Variants in VPS54 observed in about 807,000 individuals in gnomAD.
VPS54 encodes vacuolar protein sorting-associated protein 54.
A neutral mutation model predicts 121.5 loss-of-function variants in VPS54; 45 were observed. That is an observed-to-expected ratio of 0.37 (90% CI 0.29 to 0.47). The LOEUF (loss-of-function observed/expected upper bound fraction) is 0.47. Among genes scored for constraint, VPS54 ranks in the 20% least tolerant of loss-of-function variants. VPS54 has a pLI of 0.99. For missense variants in VPS54, 1,090 were observed against 1,131.4 expected (o/e 0.96, Z 0.52); for synonymous variants, 371 against 385.8 (o/e 0.96, Z 0.45).
At chr2:63,898,625 A>G (rs768270987) in intron 21 of VPS54, among the ~76,000 whole-genome samples, 22 of 152,174 alleles carry the variant, frequency 1.4e-4, no homozygotes, top group Non-Finnish European at 2.5e-4. Flanking sequence ...CACGCACTCA[A>G]CCAAGTAAGA....
intron 1 of VPS54, among the ~76,000 whole-genome samples, chr2:64,005,086 C>CTTT (rs1559053926): frequency 1.6e-4 from 12 of 76,600 alleles, no homozygotes; most frequent in Non-Finnish European, 2.9e-4. Context: ...TCTACTATTG[C>CTTT]TTCTTTTTTT....
At chr2:63,935,548 TAAAAAGACATGAC>T (rs372394757) in intron 11 of VPS54, among the ~76,000 whole-genome samples, 1 of 152,246 alleles carries the variant, frequency 6.6e-6, no homozygotes, top group African/African-American at 2.4e-5. Flanking sequence ...CTTTTTAAAA[TAAAAAGACATGAC>T]AGACCTATCC....
chr2:63,957,441 CAAAAAAA>C (rs10551633), intron 7 of VPS54, among the ~76,000 whole-genome samples: 4 of 90,118 alleles, frequency 4.4e-5, no homozygotes, highest in African/African-American at 1.2e-4. Flanking sequence ...GACTCCATCT[CAAAAAAA>C]AAAAAAAAAA....
intron 20 of VPS54, among the ~76,000 whole-genome samples, chr2:63,902,416 C>T (rs756839417): frequency 9.9e-5 from 15 of 152,150 alleles, no homozygotes; most frequent in Non-Finnish European, 1.8e-4. Flanking sequence ...AAAACAGACA[C>T]CTAGCTTGGT....
At chr2:63,986,862 T>G (rs1468465672) in intron 1 of VPS54, among the ~76,000 whole-genome samples, 1 of 152,242 alleles carries the variant, frequency 6.6e-6, no homozygotes, top group African/African-American at 2.4e-5. Flanking sequence ...GCCATTTGCA[T>G]GTTTTCTCTT....
At chr2:63,911,914 T>G (rs1673166185) in intron 20 of VPS54, among the ~76,000 whole-genome samples, 1 of 152,214 alleles carries the variant, frequency 6.6e-6, no homozygotes, top group Non-Finnish European at 1.5e-5. Flanking sequence ...CCAGTATAAC[T>G]GCGAATTCTT....
intron 7 of VPS54, among the ~76,000 whole-genome samples, chr2:63,957,743 T>C (rs898831880): frequency 6.6e-6 from 1 of 152,156 alleles, no homozygotes; most frequent in Admixed American, 6.5e-5. Context: ...AACAAATGTA[T>C]GTAGGAAGAT....
At chr2:63,973,011 C>T (rs143119787) in intron 3 of VPS54, among the ~76,000 whole-genome samples, 8 of 151,770 alleles carry the variant, frequency 5.3e-5, no homozygotes, top group East Asian at 1.9e-4. Flanking sequence ...GAGATATCAC[C>T]GAAAGGATAC....
At chr2:63,900,181 C>T (rs1436742372) in intron 20 of VPS54, among the ~76,000 whole-genome samples, 1 of 131,520 alleles carries the variant, frequency 7.6e-6, no homozygotes, top group Non-Finnish European at 1.5e-5. Flanking sequence ...GATCGCACCA[C>T]TGCACTCCAG....
intron 12 of VPS54, among the ~76,000 whole-genome samples, chr2:63,922,264 T>C (rs987810362): frequency 1.3e-5 from 2 of 152,232 alleles, no homozygotes; most frequent in South Asian, 2.1e-4. Context: ...AATGATTCCA[T>C]GCCATCAGTT....
chr2:64,012,854 G>C (rs1417905170), intron 1 of VPS54, among the ~76,000 whole-genome samples: 1 of 151,964 alleles, frequency 6.6e-6, no homozygotes, highest in Non-Finnish European at 1.5e-5. Flanking sequence ...CATTTACTTG[G>C]CTCCAGAAAA....
intron 7 of VPS54, among the ~76,000 whole-genome samples, chr2:63,958,749 A>G (rs1249934943): frequency 6.6e-6 from 1 of 152,182 alleles, no homozygotes; most frequent in Non-Finnish European, 1.5e-5. Context: ...AAAGCAATAC[A>G]AAGAACAGTA....
intron 1 of VPS54, among the ~76,000 whole-genome samples, chr2:64,000,022 G>A (rs368465253): frequency 9.2e-5 from 14 of 151,948 alleles, no homozygotes; most frequent in African/African-American, 2.4e-4. Context: ...CACCTTGCCC[G>A]GCTAATTTTT....
chr2:63,973,317 A>G (rs1005660627), intron 3 of VPS54, among the ~76,000 whole-genome samples: 1 of 152,144 alleles, frequency 6.6e-6, no homozygotes, highest in African/African-American at 2.4e-5. Context: ...TGCCATCTGC[A>G]TTATCTTCTT....
intron 5 of VPS54, among the ~76,000 whole-genome samples, chr2:63,967,858 A>G (rs1676082027): frequency 1.3e-5 from 2 of 152,138 alleles, no homozygotes; most frequent in South Asian, 4.1e-4. Context: ...AAAGAACAAG[A>G]AAGTACCCAT....
At chr2:63,938,476 T>C (rs574950632) in intron 11 of VPS54, among the ~76,000 whole-genome samples, 2 of 152,148 alleles carry the variant, frequency 1.3e-5, no homozygotes, top group East Asian at 3.9e-4. Context: ...TTATTATTAT[T>C]ATTTTGAGAC....
chr2:63,977,758 T>C (rs1446247041), intron 3 of VPS54, among the ~76,000 whole-genome samples: 1 of 152,230 alleles, frequency 6.6e-6, no homozygotes. Context: ...GTATGCACTG[T>C]AATGTTTTGC....
intron 1 of VPS54, among the ~76,000 whole-genome samples, chr2:64,004,990 C>G (rs1319000746): frequency 1.3e-5 from 2 of 149,388 alleles, no homozygotes; most frequent in Non-Finnish European, 3.0e-5. Context: ...GTTGTCCAGG[C>G]TGGTCCTGAA....
At chr2:63,959,448 T>C (rs17028259) in intron 7 of VPS54, among the ~76,000 whole-genome samples, 16,141 of 152,180 alleles carry the variant, frequency 0.11, 1,506 homozygotes, top group African/African-American at 0.26. Context: ...TATAAATATA[T>C]TGGAACTGAC....
Sources: gnomAD v4.1 joint callset for allele counts (sites outside exome capture counted in the v4.1 genomes callset) on GRCh38, gnomAD v4.1.1 for gene constraint, MANE v1.5 for transcripts, NCBI Gene and HGNC (gene_info 2026-07-23, HGNC 2026-07-21) for gene names.